The following CEP128 variants were observed in gnomAD, a reference collection of about 807,000 sequenced individuals.
The protein encoded by CEP128 is centrosomal protein 128.
CEP128 carries 132 observed loss-of-function variants against 156.7 expected under a neutral mutation model. The ratio of observed to expected loss-of-function variants is 0.84; its 90% CI spans 0.73 to 0.97. The LOEUF (loss-of-function observed/expected upper bound fraction) is 0.97. Among genes scored for constraint, CEP128 ranks in the 50% least tolerant of loss-of-function variants. CEP128 has a pLI of 0.00. For missense variants in CEP128, 1,252 were observed against 1,281.9 expected, an observed-to-expected ratio of 0.98 and a Z score of 0.36; for synonymous variants, 469 against 448.9, an observed-to-expected ratio of 1.04 and a Z score of -0.57.
chr14:80,584,119 C>T (rs890859507), intron 19 of CEP128, among the ~76,000 whole-genome samples: 7 of 151,292 alleles, frequency 4.6e-5, no homozygotes, highest in African/African-American at 7.3e-5. Flanking sequence ...TTAAAAGTTC[C>T]CTGAATCAGG....
At chr14:80,764,555 T>C (rs947085094) in intron 16 of CEP128, among the ~76,000 whole-genome samples, 2 of 151,876 alleles carry the variant, frequency 1.3e-5, no homozygotes, top group Non-Finnish European at 2.9e-5. Flanking sequence ...CACTTCACTA[T>C]CCTCTGTGGG....
intron 16 of CEP128, among the ~76,000 whole-genome samples, chr14:80,764,066 C>A (rs1384330652): frequency 1.3e-5 from 2 of 152,192 alleles, no homozygotes; most frequent in Non-Finnish European, 2.9e-5. Flanking sequence ...CTTTCATCCA[C>A]TACTACTTTT....
intron 19 of CEP128, among the ~76,000 whole-genome samples, chr14:80,654,527 T>G (rs1325722081): frequency 1.3e-5 from 2 of 152,158 alleles, no homozygotes; most frequent in Admixed American, 1.3e-4. Context: ...CTCATCAATC[T>G]TGAAAGAGTA....
In CEP128 at chr14:80,913,628, T is replaced by C. The variant is rs1257259455; in HGVS notation, c.234+694A>G. On this transcript the variant is annotated intron_variant, in intron 4 of 24. Transcript: ENST00000555265. ...AAAGGAGAGCTAAGCTATGTGTACA[T>C]AAAGGTGTACAGAGTGGTATAATGG... is the stretch of plus-strand genomic sequence containing the variant. 5.9e-5 allele frequency among the ~76,000 whole-genome samples: 9 copies of C among 152,006 alleles called. No individual in the cohort carries two copies. The East Asian group carries it at 1.7e-3, about 29-fold the overall frequency.
chr14:80,959,258 C>T (rs1372617161), intron 1 of CEP128, among the ~76,000 whole-genome samples: 2 of 152,052 alleles, frequency 1.3e-5, no homozygotes, highest in South Asian at 2.1e-4. Context: ...ATTCTAGAAT[C>T]TTTGATGTGT....
chr14:80,798,655 C>T (rs1326158115), intron 13 of CEP128, among the ~76,000 whole-genome samples: 2 of 152,102 alleles, frequency 1.3e-5, no homozygotes, highest in Non-Finnish European at 2.9e-5. Flanking sequence ...TTTATTTCAG[C>T]GTAGAAAACT....
chr14:80,517,558 T>C (rs1888545842), intron 23 of CEP128, among the ~76,000 whole-genome samples: 1 of 152,256 alleles, frequency 6.6e-6, no homozygotes, highest in African/African-American at 2.4e-5. Flanking sequence ...TATTAATTTC[T>C]AATTTCATTC....
chr14:80,508,335 C>G (rs1298292711), intron 23 of CEP128, among the ~76,000 whole-genome samples: 1 of 152,084 alleles, frequency 6.6e-6, no homozygotes, highest in Non-Finnish European at 1.5e-5. Flanking sequence ...AAAAATTATT[C>G]AACAAATATT....
intron 19 of CEP128, among the ~76,000 whole-genome samples, chr14:80,654,627 T>G (rs557511774): frequency 6.6e-6 from 1 of 152,312 alleles, no homozygotes; most frequent in African/African-American, 2.4e-5. Context: ...GTGACCTAAC[T>G]GCCAAGTGCA....
intron 14 of CEP128, among the ~76,000 whole-genome samples, chr14:80,478,742 T>C (rs1043278839): frequency 3.3e-5 from 5 of 152,218 alleles, no homozygotes; most frequent in African/African-American, 1.2e-4. Context: ...AGGTACAGAG[T>C]ATCAACATCC....
intron 14 of CEP128, among the ~76,000 whole-genome samples, chr14:80,790,654 T>C (rs919063429): frequency 4.6e-5 from 7 of 152,092 alleles, no homozygotes; most frequent in Non-Finnish European, 7.4e-5. Flanking sequence ...TAATATGATA[T>C]ATATCTGATA....
chr14:80,765,126 A>G (rs953952624), intron 16 of CEP128, among the ~76,000 whole-genome samples: 7 of 152,192 alleles, frequency 4.6e-5, no homozygotes, highest in Admixed American at 4.6e-4. Context: ...GAGTGTGGAG[A>G]TAGAGTAAAC....
intron 21 of CEP128, among the ~76,000 whole-genome samples, chr14:80,535,891 T>C (rs1889462912): frequency 6.6e-6 from 1 of 152,200 alleles, no homozygotes; most frequent in East Asian, 1.9e-4. Context: ...GTATTTCCTC[T>C]AGACTAAGGG....
chr14:80,512,918 C>T (rs756693250), intron 23 of CEP128, among the ~76,000 whole-genome samples: 15 of 152,108 alleles, frequency 9.9e-5, no homozygotes, highest in East Asian at 5.8e-4. Flanking sequence ...TTTTATCTTA[C>T]GCCATTTATG....
At chr14:80,821,674 A>G (rs1885193016) in intron 13 of CEP128, among the ~76,000 whole-genome samples, 1 of 149,584 alleles carries the variant, frequency 6.7e-6, no homozygotes, top group East Asian at 2.0e-4. Flanking sequence ...ACAAGGCCCC[A>G]TTTAATTTTT....
intron 20 of CEP128, among the ~76,000 whole-genome samples, chr14:80,568,896 T>A (rs1891028322): frequency 6.6e-6 from 1 of 152,158 alleles, no homozygotes; most frequent in Admixed American, 6.5e-5. Flanking sequence ...ATAAAGCAGA[T>A]GTATATTAAC....
At chr14:80,482,849 C>T (rs982939182) in intron 14 of CEP128, among the ~76,000 whole-genome samples, 5 of 152,186 alleles carry the variant, frequency 3.3e-5, no homozygotes, top group African/African-American at 9.7e-5. Context: ...TTATAGCAGA[C>T]GCTTAGCCCA....
intron 19 of CEP128, among the ~76,000 whole-genome samples, chr14:80,652,342 TG>T (rs1192671058): frequency 1.2e-4 from 18 of 151,852 alleles, no homozygotes; most frequent in Non-Finnish European, 1.5e-5. Context: ...AATTGACAAA[TG>T]GGATCTAATT....
chr14:80,731,087 A>G (rs1898250366), intron 19 of CEP128, among the ~76,000 whole-genome samples: 1 of 152,194 alleles, frequency 6.6e-6, no homozygotes, highest in South Asian at 2.1e-4. Context: ...TGACAATTCT[A>G]TTTTCTTTCA....
Sources: allele counts gnomAD v4.1 joint callset (sites outside exome capture counted in the v4.1 genomes callset), GRCh38; gene constraint gnomAD v4.1.1; transcripts MANE v1.5; gene names NCBI Gene and HGNC (gene_info 2026-07-23, HGNC 2026-07-21).